USP34: variants seen among roughly 807,000 people sequenced by gnomAD.
USP34 encodes ubiquitin carboxyl-terminal hydrolase 34.
Under a neutral mutation model 460.3 loss-of-function variants are expected in USP34, and 70 were observed. That is an observed-to-expected ratio of 0.15 (90% CI 0.13 to 0.19). The LOEUF (loss-of-function observed/expected upper bound fraction) is 0.19, where lower values mean the gene tolerates loss of function less well. Among genes scored for constraint, USP34 ranks in the 10% least tolerant of loss-of-function variants. USP34 has a pLI of 1.00. For synonymous variants in USP34, 1,647 were observed against 1,405.3 expected (o/e 1.17, Z -3.85); for missense variants, 3,985 against 4,236.2 (o/e 0.94, Z 1.65).
At chr2:61,399,268 G>A (rs1031171335) in intron 3 of USP34, among the ~76,000 whole-genome samples, 2 of 151,510 alleles carry the variant, frequency 1.3e-5, no homozygotes, top group Non-Finnish European at 2.9e-5. Flanking sequence ...CTTGAATCCC[G>A]GAAGGCGAAG....
intron 1 of USP34, among the ~76,000 whole-genome samples, chr2:61,421,865 T>C (rs934128268): frequency 2.0e-5 from 3 of 152,076 alleles, no homozygotes; most frequent in Admixed American, 6.6e-5. Context: ...GCACACTTCC[T>C]CAACTCAGCT....
At chr2:61,246,520 A>G in intron 49 of USP34, 43 bp from the exon 50 acceptor site, 3 of 1,311,622 alleles carry the variant, frequency 2.3e-6, no homozygotes, top group Non-Finnish European at 3.0e-6. Context: ...TCCAAACTTC[A>G]CAACAGTTAC....
chr2:61,267,845 C>T (rs373044369), intron 41 of USP34, among the ~76,000 whole-genome samples: 2 of 152,012 alleles, frequency 1.3e-5, no homozygotes, highest in South Asian at 2.1e-4. Flanking sequence ...CTCGATCTCC[C>T]GACTTCGTGA....
chr2:61,431,665 G>A (rs1239658112), intron 1 of USP34, among the ~76,000 whole-genome samples: 4 of 152,150 alleles, frequency 2.6e-5, no homozygotes, highest in African/African-American at 9.7e-5. Flanking sequence ...GACCAGCCTG[G>A]CCAATCTGGT....
intron 1 of USP34, among the ~76,000 whole-genome samples, chr2:61,466,254 A>G (rs2104117669): frequency 6.6e-6 from 1 of 151,980 alleles, no homozygotes; most frequent in East Asian, 1.9e-4. Flanking sequence ...GTGAAACCCC[A>G]TCTCTACTAA....
Position 61,247,168 on chromosome 2 carries a change from G to A in USP34, c.6395-691C>T, listed in dbSNP as rs1001269782. On this transcript the variant is annotated intron_variant, in intron 49 of 79. Coordinates refer to ENST00000398571, the MANE Select transcript of USP34 (RefSeq NM_014709.4). ...ATACTGAGGAAAAAAAATGTAGAGTGGTCTAATAAGTTTGAAGATGATGTA... is the reference window on the plus strand; with the variant it reads ...ATACTGAGGAAAAAAAATGTAGAGTAGTCTAATAAGTTTGAAGATGATGTA... 2.0e-4 allele frequency among the ~76,000 whole-genome samples: 31 copies of A among 152,184 alleles called. 1 individual carries two copies. Among genetic ancestry groups the A allele is most frequent in the Admixed American group, 3.9e-4 (6 of 15,276 alleles).
At chr2:61,455,395 C>A (rs1310703713) in intron 1 of USP34, among the ~76,000 whole-genome samples, 1 of 151,906 alleles carries the variant, frequency 6.6e-6, no homozygotes, top group Non-Finnish European at 1.5e-5. Flanking sequence ...CCAGGCTGGT[C>A]TCGAACTCCT....
intron 30 of USP34, among the ~76,000 whole-genome samples, chr2:61,295,907 T>A (rs1349921738): frequency 6.6e-6 from 1 of 152,232 alleles, no homozygotes; most frequent in African/African-American, 2.4e-5. Context: ...TTTTCATTCA[T>A]CCTGTAGAGT....
At chr2:61,367,601 T>G (rs1361784926) in intron 10 of USP34, among the ~76,000 whole-genome samples, 1 of 152,156 alleles carries the variant, frequency 6.6e-6, no homozygotes, top group Non-Finnish European at 1.5e-5. Context: ...GAAAAATATT[T>G]TAATTTTATA....
In USP34 at chr2:61,416,821, TG is replaced by T. The variant is rs55720314; in HGVS notation, c.131+3924del. On this transcript the variant is annotated intron_variant, in intron 2 of 79. Coordinates refer to ENST00000398571, the MANE Select transcript of USP34 (RefSeq NM_014709.4). The stretch of plus-strand genomic sequence containing the variant: ...TTAACCTCCCTAATCTTTTTTTTTT[TG>T]GGGGGGGGGACAGGAAGTAGAATGT... The T allele has an allele frequency of 3.4e-3, 735 of 218,810 alleles. 12 individuals carry two copies. The highest frequency in any genetic ancestry group is 8.6e-3 in the Middle Eastern group (8 of 926). 13.6% of individuals were successfully genotyped at this position (218,810 alleles called of 1,614,324 possible). A position where few individuals can be genotyped will look rare whatever the true frequency, so the allele number is the denominator to read the frequency against.
At chr2:61,227,701 ACT>A (rs1558476931) in intron 61 of USP34, among the ~76,000 whole-genome samples, 1 of 150,438 alleles carries the variant, frequency 6.6e-6, no homozygotes, top group African/African-American at 2.5e-5. Context: ...ACAGAGTGAG[ACT>A]CTGTCTCAAA....
intron 20 of USP34, among the ~76,000 whole-genome samples, chr2:61,325,867 C>G (rs574163134): frequency 6.6e-6 from 1 of 152,208 alleles, no homozygotes; most frequent in South Asian, 2.1e-4. Context: ...CCAAGAAACA[C>G]TAATAAAATA....
chr2:61,419,241 G>A (rs1694289499), intron 2 of USP34, among the ~76,000 whole-genome samples: 3 of 151,626 alleles, frequency 2.0e-5, no homozygotes, highest in Non-Finnish European at 4.4e-5. Context: ...GGCTGGTCTC[G>A]AACTCCTAGG....
At chr2:61,355,791 A>C (rs1295602494) in intron 10 of USP34, among the ~76,000 whole-genome samples, 6 of 152,206 alleles carry the variant, frequency 3.9e-5, no homozygotes, top group African/African-American at 1.4e-4. Context: ...TAAATGGTTT[A>C]ACTCTCCAAT....
At chr2:61,336,809 C>CAAAAAAAAAAAAAAAAAAAAAAAACA (rs10593128) in intron 18 of USP34, among the ~76,000 whole-genome samples, 1 of 65,052 alleles carries the variant, frequency 1.5e-5, no homozygotes, top group Non-Finnish European at 2.8e-5. Flanking sequence ...GACTCCATCT[C>CAAAAAAAAAAAAAAAAAAAAAAAACA]AAAAAAAAAA....
rs1458476630 is a variant in USP34 at position 61,295,407 on chromosome 2, T to C, written c.4255-117A>G. ...AAAATATTATATATACTTTGAAACA[T>C]ATTAAAACATATGAAGACTAGGTAT... On this transcript the variant is annotated intron_variant, in intron 30 of 79. Coordinates refer to ENST00000398571, the MANE Select transcript of USP34 (RefSeq NM_014709.4). 6 of 1,087,764 alleles carry C rather than the reference T, an allele frequency of 5.5e-6. No individual in the cohort carries two copies. The African/African-American group carries it at 9.7e-5, about 18-fold the overall frequency. The allele number at this position is 1,087,764 out of a possible 1,614,324, so 67.4% of individuals were successfully genotyped here. A position where few individuals can be genotyped will look rare whatever the true frequency, so the allele number is the denominator to read the frequency against.
At chr2:61,253,033 CTGA>C (rs544777827) in intron 48 of USP34, among the ~76,000 whole-genome samples, 53 of 152,214 alleles carry the variant, frequency 3.5e-4, no homozygotes, top group Admixed American at 1.4e-3. Context: ...TGATAAGTTA[CTGA>C]GGTAAAATGA....
intron 2 of USP34, among the ~76,000 whole-genome samples, chr2:61,409,908 C>A (rs964186524): frequency 6.6e-6 from 1 of 152,052 alleles, no homozygotes; most frequent in African/African-American, 2.4e-5. Flanking sequence ...GGAACACACA[C>A]GTACACAAAT....
In USP34 at chr2:61,425,168, C is replaced by A. The variant is rs189774351; in HGVS notation, c.44-4335G>T. Reference sequence around the variant, plus strand: ...GGCAGAGCAAGCATAGAAGGCTCCACTGATCATGCCCATGCCCCCGCCAAC... The same window carrying A: ...GGCAGAGCAAGCATAGAAGGCTCCAATGATCATGCCCATGCCCCCGCCAAC... On this transcript the variant is annotated intron_variant, in intron 1 of 79. Coordinates refer to ENST00000398571, the MANE Select transcript of USP34 (RefSeq NM_014709.4). Among the ~76,000 whole-genome samples, 6 of 152,234 alleles carry A rather than the reference C, an allele frequency of 3.9e-5. No individual in the cohort carries two copies. In the East Asian group the frequency reaches 9.7e-4, roughly 25 times the overall value.
Sources: allele counts gnomAD v4.1 joint callset (sites outside exome capture counted in the v4.1 genomes callset), GRCh38; gene constraint gnomAD v4.1.1; transcripts MANE v1.5; gene names NCBI Gene and HGNC (gene_info 2026-07-23, HGNC 2026-07-21).